Variants in MAOB observed in about 807,000 individuals in gnomAD.
The protein encoded by MAOB is monoamine oxidase B, also known as amine oxidase [flavin-containing] B.
MAOB carries 15 observed loss-of-function variants against 41.9 expected under a neutral mutation model. The observed-to-expected ratio is 0.36, with a 90% CI of 0.24 to 0.55. MAOB has a LOEUF of 0.55. MAOB is among the 20% of genes least tolerant of loss of function. The probability of loss-of-function intolerance (pLI) is 0.86; values close to 1 mark genes in which losing one functional copy is unlikely to be tolerated. For missense variants in MAOB, 345 were observed against 398.7 expected, an observed-to-expected ratio of 0.87 and a Z score of 1.15; for synonymous variants, 167 against 144.2, an observed-to-expected ratio of 1.16 and a Z score of -1.13.
At chrX:43,837,517 A>C (rs2035085332) in intron 3 of MAOB, among the ~76,000 whole-genome samples, 1 of 112,581 alleles carries the variant, frequency 8.9e-6, no homozygotes, top group Non-Finnish European at 1.9e-5. Flanking sequence ...TAAAATTTGA[A>C]GGTCAACCAA....
At chrX:43,773,129 G>A (rs1049395470) in intron 12 of MAOB, among the ~76,000 whole-genome samples, 3 of 112,098 alleles carry the variant, frequency 2.7e-5, no homozygotes, top group Non-Finnish European at 5.6e-5. Context: ...TTTTCCTCAT[G>A]CCATTCCATC....
At chrX:43,861,856 CGTGTGTGTGTGT>C (rs112289658) in intron 1 of MAOB, among the ~76,000 whole-genome samples, 2 of 103,159 alleles carry the variant, frequency 1.9e-5, no homozygotes, top group African/African-American at 7.1e-5. Flanking sequence ...CCAGCTGAAA[CGTGTGTGTGTGT>C]GTGTGTGTGT....
rs1177998093 is a variant in MAOB, at chrX:43,795,433, G to GT, written c.768+305dup. ...AGCTCCCAGAACTCGGTCGTTTTGGGTTTTTATGGAGGCTTCCTTATGTAG... is the reference window on the plus strand; with the variant it reads ...AGCTCCCAGAACTCGGTCGTTTTGGGTTTTTTATGGAGGCTTCCTTATGTAG... On this transcript the variant is annotated intron_variant, in intron 7 of 14. Transcript: ENST00000378069. 2.2e-4 allele frequency among the ~76,000 whole-genome samples: 25 copies of GT among 111,744 alleles called. 1 individual carries two copies. In the South Asian group the frequency reaches 8.8e-3, roughly 39 times the overall value.
At chrX:43,782,694 A>G (rs1447487947) in intron 8 of MAOB, among the ~76,000 whole-genome samples, 1 of 111,830 alleles carries the variant, frequency 8.9e-6, no homozygotes, top group Non-Finnish European at 1.9e-5. Context: ...ACAAAAAAAG[A>G]CAATTTTAGA....
At chrX:43,830,736 C>T (rs774242652) in intron 3 of MAOB, among the ~76,000 whole-genome samples, 16 of 111,701 alleles carry the variant, frequency 1.4e-4, no homozygotes, top group African/African-American at 5.2e-4. Context: ...CTAAGAATCC[C>T]CAGAACCTAT....
At chrX:43,844,922 T>C (rs755088895) in intron 1 of MAOB, among the ~76,000 whole-genome samples, 26 of 112,001 alleles carry the variant, frequency 2.3e-4, no homozygotes, top group Non-Finnish European at 4.9e-4. Flanking sequence ...CTCCTCTATC[T>C]GTGTGATGGT....
intron 10 of MAOB, 31 bp from the exon 11 acceptor site, chrX:43,778,770 A>G: frequency 8.9e-7 from 1 of 1,127,774 alleles, no homozygotes; most frequent in Non-Finnish European, 1.2e-6. Context: ...AAGAGAAAAT[A>G]AAGGAAAGAA....
intron 11 of MAOB, among the ~76,000 whole-genome samples, chrX:43,776,661 C>T (rs1271601249): frequency 9.0e-6 from 1 of 110,719 alleles, no homozygotes; most frequent in Non-Finnish European, 1.9e-5. Flanking sequence ...GCACAACGTG[C>T]AGGTTAGTTA....
intron 1 of MAOB, among the ~76,000 whole-genome samples, chrX:43,876,807 T>C (rs2035442953): frequency 8.9e-6 from 1 of 112,641 alleles, no homozygotes; most frequent in Non-Finnish European, 1.9e-5. Context: ...GGAAGCAGAA[T>C]CTCTGTTACA....
chrX:43,829,523 G>A (rs988690210), intron 3 of MAOB, among the ~76,000 whole-genome samples: 9 of 112,100 alleles, frequency 8.0e-5, no homozygotes, highest in East Asian at 2.8e-4. Flanking sequence ...CTCTGACCAC[G>A]TCAACCTCAA....
intron 1 of MAOB, among the ~76,000 whole-genome samples, chrX:43,844,150 G>T (rs897135751): frequency 9.0e-6 from 1 of 111,012 alleles, no homozygotes; most frequent in Non-Finnish European, 1.9e-5. Context: ...ATGAAAAACT[G>T]GTAAACTGAG....
chrX:43,799,537 G>A (rs1382006670), intron 5 of MAOB, among the ~76,000 whole-genome samples: 2 of 110,829 alleles, frequency 1.8e-5, no homozygotes, highest in Non-Finnish European at 3.8e-5. Context: ...AATAATTCTG[G>A]TTTGAAATAA....
intron 1 of MAOB, among the ~76,000 whole-genome samples, chrX:43,879,937 C>T (rs980729699): frequency 8.9e-6 from 1 of 112,154 alleles, no homozygotes; most frequent in African/African-American, 3.2e-5. Flanking sequence ...CATCTAGTCC[C>T]CTGGTGAATT....
At chrX:43,879,169 G>C (rs1420820166) in intron 1 of MAOB, among the ~76,000 whole-genome samples, 1 of 111,722 alleles carries the variant, frequency 9.0e-6, no homozygotes, top group African/African-American at 3.3e-5. Flanking sequence ...TTGGGTAAAA[G>C]AGATTTCAGT....
At chrX:43,774,368 C>G (rs756878663) in intron 12 of MAOB, among the ~76,000 whole-genome samples, 4 of 111,436 alleles carry the variant, frequency 3.6e-5, no homozygotes, top group Non-Finnish European at 3.8e-5. Flanking sequence ...AACTGTGCAC[C>G]GTTTTGAATA....
chrX:43,767,854 T>C (rs999918068), intron 14 of MAOB, among the ~76,000 whole-genome samples: 1 of 112,027 alleles, frequency 8.9e-6, no homozygotes, highest in Non-Finnish European at 1.9e-5. Context: ...TTTTGCATTT[T>C]TTCTCAGCAT....
chrX:43,840,705 C>T (rs2035125067), intron 2 of MAOB, among the ~76,000 whole-genome samples: 1 of 110,338 alleles, frequency 9.1e-6, no homozygotes, highest in Admixed American at 9.6e-5. Flanking sequence ...ACTCCCTTCC[C>T]TAGCCAAGGG....
chrX:43,812,559 C>T (rs1352362678), intron 3 of MAOB, among the ~76,000 whole-genome samples: 1 of 112,521 alleles, frequency 8.9e-6, no homozygotes, highest in Non-Finnish European at 1.9e-5. Context: ...GAGATGCTAT[C>T]TTACTGTAGT....
chrX:43,804,582 AAG>A (rs1440821606), intron 3 of MAOB, among the ~76,000 whole-genome samples: 1 of 111,474 alleles, frequency 9.0e-6, no homozygotes, highest in Non-Finnish European at 1.9e-5. Flanking sequence ...GAAACAGAGA[AAG>A]AGAGAAGGAT....
Sources: allele counts gnomAD v4.1 joint callset (sites outside exome capture counted in the v4.1 genomes callset), GRCh38; gene constraint gnomAD v4.1.1; transcripts MANE v1.5; gene names NCBI Gene and HGNC (gene_info 2026-07-23, HGNC 2026-07-21).